The following TSC1 variants were observed in gnomAD, a reference collection of about 807,000 sequenced individuals.
The protein encoded by TSC1 is TSC complex subunit 1.
Under a neutral mutation model 124.3 loss-of-function variants are expected in TSC1, and 20 were observed. That is an observed-to-expected ratio of 0.16 (90% CI 0.11 to 0.23). The LOEUF (loss-of-function observed/expected upper bound fraction) is 0.23. Ranked by LOEUF, TSC1 falls within the 10% of genes least tolerant of loss-of-function variation. The probability of loss-of-function intolerance (pLI) is 1.00; values close to 1 mark genes in which losing one functional copy is unlikely to be tolerated. For synonymous variants in TSC1, 493 were observed against 539.1 expected (o/e 0.91, Z 1.19); for missense variants, 1,124 against 1,448.5 (o/e 0.78, Z 3.64).
upstream of TSC1, chr9:132,944,644 A>T (rs892597392): frequency 5.0e-6 from 2 of 398,654 alleles, no homozygotes; most frequent in East Asian, 3.6e-5. Flanking sequence ...GAAAGGGCCA[A>T]GGCCGACGGC....
intron 8 of TSC1, 90 bp from the exon 9 acceptor site, chr9:132,912,547 T>C: frequency 6.7e-7 from 1 of 1,491,270 alleles, no homozygotes. Flanking sequence ...GCCACGGAAC[T>C]CTGATAGCAA....
intron 12 of TSC1, among the ~76,000 whole-genome samples, chr9:132,907,849 G>C (rs1488401342): frequency 6.6e-6 from 1 of 152,248 alleles, no homozygotes; most frequent in Non-Finnish European, 1.5e-5. Context: ...CACTTTGGGA[G>C]GCCAAGGCCA....
At chr9:132,913,917 T>TTTA (rs1564491575) in intron 8 of TSC1, among the ~76,000 whole-genome samples, 1 of 95,584 alleles carries the variant, frequency 1.0e-5, no homozygotes, top group Non-Finnish European at 2.1e-5. Flanking sequence ...TTTTTTTTTT[T>TTTA]AGACAGAGTC....
At chr9:132,930,910 G>A (rs146273707) in intron 2 of TSC1, among the ~76,000 whole-genome samples, 65 of 152,262 alleles carry the variant, frequency 4.3e-4, no homozygotes, top group East Asian at 1.5e-3. Flanking sequence ...TGAGACCACC[G>A]TTGGTAAGAT....
Position 132,906,197 on chromosome 9 carries a change from T to C in TSC1, c.1439-58A>G. 1 of 1,568,754 alleles carries C rather than the reference T, an allele frequency of 6.4e-7. No homozygotes were observed. The highest frequency in any genetic ancestry group is 1.2e-5 in the South Asian group (1 of 86,490). ...AGTCGGTATTCCACCTGGGAAAGAC[T>C]AGGCAGTTTGGGTGGCATGCTGCCA... On this transcript the variant is annotated intron_variant, in intron 14 of 22. Coordinates refer to ENST00000298552, the MANE Select transcript of TSC1 (RefSeq NM_000368.5). The surrounding 1 kb of genome is among the most constrained non-coding windows in gnomAD (Gnocchi z 4.1).
chr9:132,944,952 C>T (rs1025746501), upstream of TSC1: 5 of 192,070 alleles, frequency 2.6e-5, no homozygotes, highest in Non-Finnish European at 4.2e-5. Context: ...CGGGCGGTCA[C>T]GTGACTGGCG....
rs774980129 is a variant in TSC1 at position 132,896,334 on chromosome 9, G to C, written c.3396C>G (p.Pro1132=). The stretch of plus-strand genomic sequence containing the variant: ...ACGGGTGAGGGCCATCTAGGTTCAG[G>C]GGAATCTTGGCTTCCACACCCAAGT... The part of the protein sequence containing the change: ...GKDLGVEAKI[P]LNLDGPHPSP... The change falls in exon 23 of 23, where the codon CCC becomes CCG. Residue 1132 remains proline (P), a synonymous_variant. Transcript: ENST00000298552. This position sits in a 1 kb window ranked among gnomAD's most constrained non-coding sequence, Gnocchi z 4.5. 1 of 1,614,180 alleles carries C rather than the reference G, an allele frequency of 6.2e-7. No homozygotes were observed. Among genetic ancestry groups the C allele is most frequent in the Non-Finnish European group, 8.5e-7 (1 of 1,180,036 alleles).
rs1457643901 is a variant in TSC1 at position 132,891,982 on chromosome 9, G to A, written c.*4253C>T. 6.4e-5 allele frequency: 15 copies of A among 233,040 alleles called. No individual in the cohort carries two copies. The highest frequency in any genetic ancestry group is 1.1e-4 in the Non-Finnish European group (13 of 117,948). The allele number at this position is 233,040 out of a possible 1,614,324, so 14.4% of individuals were successfully genotyped here. The stretch of plus-strand genomic sequence containing the variant: ...TATCTCAGAGGATGGATAATGTGGC[G>A]CTGCGAAGTGGGGAGGAAGCTCCTC... On this transcript the variant is annotated 3_prime_UTR_variant, in exon 23 of 23. Transcript: ENST00000298552.
chr9:132,913,554 T>C (rs1023365104), intron 8 of TSC1, among the ~76,000 whole-genome samples: 4 of 151,838 alleles, frequency 2.6e-5, no homozygotes, highest in African/African-American at 9.7e-5. Context: ...TTGACGTACA[T>C]ACAGAAGTGA....
chr9:132,910,301 C>T, intron 12 of TSC1: 2 of 477,934 alleles, frequency 4.2e-6, no homozygotes, highest in African/African-American at 3.1e-5. Flanking sequence ...ACCCTGTCTC[C>T]AAAAAAAAAA....
intron 4 of TSC1, 96 bp from the exon 5 acceptor site, chr9:132,925,835 G>A: frequency 6.7e-7 from 1 of 1,484,256 alleles, no homozygotes; most frequent in Non-Finnish European, 9.4e-7. Flanking sequence ...CTCAAGTCTT[G>A]TCTCTAATGT....
chr9:132,904,286 G>T, intron 16 of TSC1, 125 bp downstream of exon 16: 1 of 1,065,232 alleles, frequency 9.4e-7, no homozygotes, highest in East Asian at 2.6e-5. Flanking sequence ...CAAGCAGATA[G>T]CCTGGCCGGA....
At chr9:132,910,322 AAT>A in intron 12 of TSC1, 4 of 632,370 alleles carry the variant, frequency 6.3e-6, no homozygotes, top group Non-Finnish European at 8.1e-6. Flanking sequence ...AAAAAAAAAA[AAT>A]CAAGAGAGTA....
Position 132,928,801 on chromosome 9 carries a change from G to A in TSC1, c.72C>T (p.Asp24=), listed in dbSNP as rs376527838. 12 of 1,614,008 alleles carry A rather than the reference G, an allele frequency of 7.4e-6. No homozygotes were observed. The highest frequency in any genetic ancestry group is 6.7e-5 in the Admixed American group (4 of 59,986). The change falls in exon 3 of 23, where the codon GAC becomes GAT. Residue 24 remains aspartate (D), a synonymous_variant. Coordinates refer to ENST00000298552, the MANE Select transcript of TSC1 (RefSeq NM_000368.5). The part of the protein sequence containing the change: ...LDSPMLGVRD[D]VTAVFKENLN... Reference sequence around the variant, plus strand: ...GGTTCTCTTTAAAGACAGCTGTCACGTCGTCCCGCACACCCAGCATGGGGG... The same window carrying A: ...GGTTCTCTTTAAAGACAGCTGTCACATCGTCCCGCACACCCAGCATGGGGG...
upstream of TSC1, chr9:132,944,684 C>T (rs910863447): frequency 2.5e-5 from 10 of 398,730 alleles, no homozygotes; most frequent in Non-Finnish European, 4.0e-5. Flanking sequence ...AGTCCCCCTC[C>T]GGACCTCCCC....
At chr9:132,944,427 C>T in intron 1 of TSC1, 116 bp downstream of exon 1, 2 of 396,310 alleles carry the variant, frequency 5.0e-6, no homozygotes, top group Non-Finnish European at 8.9e-6. Flanking sequence ...GGGATCCCTA[C>T]CAAGCAAGTG....
intron 8 of TSC1, among the ~76,000 whole-genome samples, chr9:132,915,487 C>T (rs551630162): frequency 1.5e-4 from 23 of 152,304 alleles, no homozygotes; most frequent in African/African-American, 5.1e-4. Flanking sequence ...ATTCTTTCAA[C>T]TCTTCAGTAT....
At chr9:132,924,133 A>C (rs1041777194) in intron 5 of TSC1, among the ~76,000 whole-genome samples, 11 of 152,178 alleles carry the variant, frequency 7.2e-5, no homozygotes, top group Non-Finnish European at 1.2e-4. Flanking sequence ...CTTCAGGCTA[A>C]CTGAAGACAC....
chr9:132,937,257 A>T (rs1178639212), intron 1 of TSC1, among the ~76,000 whole-genome samples: 3 of 152,138 alleles, frequency 2.0e-5, no homozygotes, highest in Admixed American at 6.5e-5. Flanking sequence ...CAACCTAACC[A>T]ACATGGAGAA....
Sources: allele counts gnomAD v4.1 joint callset (sites outside exome capture counted in the v4.1 genomes callset), GRCh38; gene constraint gnomAD v4.1.1; non-coding constraint Gnocchi (gnomAD v3.1); transcripts MANE v1.5; gene names NCBI Gene and HGNC (gene_info 2026-07-23, HGNC 2026-07-21).